Variants in SMPD3 observed in about 807,000 individuals in gnomAD.
The protein encoded by SMPD3 is nSMase-2.
Under a neutral mutation model 55.7 loss-of-function variants are expected in SMPD3, and 21 were observed. The observed-to-expected ratio is 0.38, with a 90% confidence interval of 0.27 to 0.54. The LOEUF (loss-of-function observed/expected upper bound fraction) is 0.54, where lower values mean the gene tolerates loss of function less well. Among genes scored for constraint, SMPD3 ranks in the 20% least tolerant of loss-of-function variants. The pLI is 0.80. For missense variants in SMPD3, 842 were observed against 899.6 expected, an observed-to-expected ratio of 0.94 and a Z score of 0.82; for synonymous variants, 457 against 404.3, an observed-to-expected ratio of 1.13 and a Z score of -1.56.
At chr16:68,377,102 G>C (rs2089835932) in intron 2 of SMPD3, among the ~76,000 whole-genome samples, 3 of 152,212 alleles carry the variant, frequency 2.0e-5, no homozygotes, top group Admixed American at 6.5e-5. Flanking sequence ...GAAGTCCCAG[G>C]ATCCTGACTG....
At chr16:68,362,587 A>G (rs1279916751) in intron 7 of SMPD3, among the ~76,000 whole-genome samples, 1 of 152,232 alleles carries the variant, frequency 6.6e-6, no homozygotes, top group Non-Finnish European at 1.5e-5. Context: ...TGCAGTGGTG[A>G]GAGACCCTGC....
chr16:68,435,851 G>C (rs1488263092), intron 1 of SMPD3, among the ~76,000 whole-genome samples: 1 of 152,204 alleles, frequency 6.6e-6, no homozygotes, highest in Non-Finnish European at 1.5e-5. Flanking sequence ...GGCCAGCCTG[G>C]CTACTGGGGA....
chr16:68,426,301 T>A (rs1484329390), intron 1 of SMPD3, among the ~76,000 whole-genome samples: 1 of 152,216 alleles, frequency 6.6e-6, no homozygotes, highest in African/African-American at 2.4e-5. Context: ...TTCAATAACC[T>A]TATTTGATCT....
At chr16:68,443,135 T>C (rs1199760405) in intron 1 of SMPD3, among the ~76,000 whole-genome samples, 1 of 152,216 alleles carries the variant, frequency 6.6e-6, no homozygotes, top group African/African-American at 2.4e-5. Context: ...CTGTGTGTGT[T>C]GCAAGATTGG....
At chr16:68,411,028 C>T (rs988374676) in intron 1 of SMPD3, among the ~76,000 whole-genome samples, 4 of 152,224 alleles carry the variant, frequency 2.6e-5, no homozygotes, top group Non-Finnish European at 2.9e-5. Flanking sequence ...GGGGTGATCA[C>T]ACCTTGATGA....
At chr16:68,362,709 A>G (rs2089346925) in intron 7 of SMPD3, among the ~76,000 whole-genome samples, 1 of 152,240 alleles carries the variant, frequency 6.6e-6, no homozygotes, top group South Asian at 2.1e-4. Context: ...AGATAAATAC[A>G]CTAATGACAT....
At chr16:68,361,855 GA>G in intron 7 of SMPD3, 96 bp from the exon 8 acceptor site, 1 of 1,083,826 alleles carries the variant, frequency 9.2e-7, no homozygotes, top group Non-Finnish European at 1.3e-6. Flanking sequence ...CCCAGTGTGG[GA>G]GCGGGTGGGT....
At chr16:68,361,362 G>T in intron 8 of SMPD3, 55 bp from the exon 9 acceptor site, 1 of 1,539,472 alleles carries the variant, frequency 6.5e-7, no homozygotes, top group Non-Finnish European at 8.9e-7. Flanking sequence ...AGGGCATCTT[G>T]CAGGGAGCGG....
chr16:68,364,560 T>C (rs1048886610), intron 5 of SMPD3, 191 bp downstream of exon 5: 2 of 659,894 alleles, frequency 3.0e-6, no homozygotes, highest in South Asian at 4.5e-5. Flanking sequence ...TCCAGCTTTC[T>C]AGGCAGAGCG....
rs981852566 is a variant in SMPD3, at chr16:68,404,962, T to G, written c.-268-18303A>C. On this transcript the variant is annotated intron_variant, in intron 1 of 8. Transcript: ENST00000219334. This position sits in a 1 kb window ranked among gnomAD's most constrained non-coding sequence, Gnocchi z 4.0. Reference sequence around the variant, plus strand: ...CTGTGGGCCAAGCGGATGTAGGACCTGGCTCTTATCCGGGCATTTGGTAAC... The same window carrying G: ...CTGTGGGCCAAGCGGATGTAGGACCGGGCTCTTATCCGGGCATTTGGTAAC... Among the ~76,000 whole-genome samples, 1 of 152,252 alleles carries G rather than the reference T, an allele frequency of 6.6e-6. No individual in the cohort carries two copies. Among genetic ancestry groups the G allele is most frequent in the African/African-American group, 2.4e-5 (1 of 41,472 alleles).
rs553783326 is a variant in SMPD3, at chr16:68,434,257, T to C, written c.-269+14096A>G. 2.0e-5 allele frequency among the ~76,000 whole-genome samples: 3 copies of C among 152,346 alleles called. No homozygotes were observed. In the South Asian group the frequency reaches 6.2e-4, roughly 32 times the overall value. On this transcript the variant is annotated intron_variant, in intron 1 of 8. Coordinates refer to ENST00000219334, the MANE Select transcript of SMPD3 (RefSeq NM_018667.4). ...TCAGGTACTGAGAGAAGAATGTAAA[T>C]TTATGCCCACAACTGTCATTTGGCC...
At chr16:68,403,930 C>T (rs2090231716) in intron 1 of SMPD3, among the ~76,000 whole-genome samples, 1 of 152,318 alleles carries the variant, frequency 6.6e-6, no homozygotes, top group South Asian at 2.1e-4. Context: ...AAAGCCCATG[C>T]ACATTCTTTT....
chr16:68,370,656 G>A (rs958271224), intron 3 of SMPD3, among the ~76,000 whole-genome samples: 3 of 152,086 alleles, frequency 2.0e-5, no homozygotes, highest in Non-Finnish European at 2.9e-5. Context: ...CCAGAGCCTC[G>A]GTGCTCATCC....
rs972408550 is a variant in SMPD3 at position 68,399,128 on chromosome 16, C to T, written c.-268-12469G>A. 4.6e-5 allele frequency among the ~76,000 whole-genome samples: 7 copies of T among 152,256 alleles called. No individual in the cohort carries two copies. In the East Asian group the frequency reaches 1.2e-3, roughly 25 times the overall value. ...GCCCGCCCAGCCTCTGCCTACACCT[C>T]TGGGTTCTCAGACTCTCATTCAAAT... On this transcript the variant is annotated intron_variant, in intron 1 of 8. Transcript: ENST00000219334.
rs1442974596 is a variant in SMPD3 at position 68,404,710 on chromosome 16, A to G, written c.-268-18051T>C. On this transcript the variant is annotated intron_variant, in intron 1 of 8. Transcript: ENST00000219334. The surrounding 1 kb of genome is among the most constrained non-coding windows in gnomAD (Gnocchi z 4.0). ...CCCCCAGAGGCTGTTATCTTTGTAT[A>G]GATGCTGGGGGCATCAGGACAGCCT... 6.6e-6 allele frequency among the ~76,000 whole-genome samples: 1 copy of G among 152,200 alleles called. No individual in the cohort carries two copies.
At chr16:68,385,504 TCTTC>T (rs1420461630) in intron 2 of SMPD3, among the ~76,000 whole-genome samples, 2 of 152,138 alleles carry the variant, frequency 1.3e-5, no homozygotes, top group African/African-American at 4.8e-5. Flanking sequence ...CCAACGATCT[TCTTC>T]CTCCCTCCCT....
intron 1 of SMPD3, among the ~76,000 whole-genome samples, chr16:68,443,991 G>C (rs893507315): frequency 7.9e-5 from 12 of 152,170 alleles, no homozygotes; most frequent in African/African-American, 2.2e-4. Context: ...GGACTGTGAG[G>C]ATTAAATACA....
chr16:68,399,632 G>C (rs998874996), intron 1 of SMPD3, among the ~76,000 whole-genome samples: 2 of 152,166 alleles, frequency 1.3e-5, no homozygotes, highest in African/African-American at 4.8e-5. Flanking sequence ...TGCAATGTAG[G>C]GGCAAGTGGG....
At chr16:68,410,633 G>A (rs961794890) in intron 1 of SMPD3, among the ~76,000 whole-genome samples, 2 of 152,190 alleles carry the variant, frequency 1.3e-5, no homozygotes, top group African/African-American at 4.8e-5. Context: ...ATAAATCCTC[G>A]CTTTCTTGCA....
Sources: gnomAD v4.1 joint callset for allele counts (sites outside exome capture counted in the v4.1 genomes callset) on GRCh38, gnomAD v4.1.1 for gene constraint, Gnocchi (gnomAD v3.1) non-coding constraint, MANE v1.5 for transcripts, NCBI Gene and HGNC (gene_info 2026-07-23, HGNC 2026-07-21) for gene names.